ALKBH8: variants seen among roughly 807,000 people sequenced by gnomAD.
ALKBH8 encodes the protein tRNA (carboxymethyluridine(34)-5-O)-methyltransferase ALKBH8.
Under a neutral mutation model 59.8 loss-of-function variants are expected in ALKBH8, and 36 were observed. The observed-to-expected ratio is 0.60, with a 90% CI of 0.46 to 0.79. The LOEUF is 0.79. ALKBH8 is among the 30% of genes least tolerant of loss of function. The pLI, the probability that ALKBH8 is intolerant of heterozygous loss-of-function variation, is 0.00. For missense variants in ALKBH8, 768 were observed against 801.0 expected, an observed-to-expected ratio of 0.96 and a Z score of 0.50; for synonymous variants, 276 against 273.6, an observed-to-expected ratio of 1.01 and a Z score of -0.09.
chr11:107,536,690 A>G (rs1033216102), intron 7 of ALKBH8, among the ~76,000 whole-genome samples: 1 of 152,160 alleles, frequency 6.6e-6, no homozygotes, highest in South Asian at 2.1e-4. Flanking sequence ...CTCAGCGGTA[A>G]GGGGAAGGGT....
At position 107,525,536 on chromosome 11, in the gene ALKBH8, AT is replaced by A; in HGVS notation, c.934del (p.Ile312LeufsTer9). 1 of 1,532,312 alleles carries A rather than the reference AT, an allele frequency of 6.5e-7. No individual in the cohort carries two copies. Among genetic ancestry groups the A allele is most frequent in the Non-Finnish European group, 8.8e-7 (1 of 1,139,476 alleles). The allele number at this position is 1,532,312 out of a possible 1,614,324, so 94.9% of individuals were successfully genotyped here. A position where few individuals can be genotyped will look rare whatever the true frequency, so the allele number is the denominator to read the frequency against. On this transcript the variant is annotated frameshift_variant, in exon 9 of 12. Transcript: ENST00000428149. LOFTEE classifies it high-confidence loss of function. The stretch of plus-strand genomic sequence containing the variant: ...TAAGTCTCCAACATCACTGGTGATA[AT>A]TCCACTTTTAAGACTCTCAGATGCT... ...VQASESLKSG[I>X]ITSDVGDLTL... is the part of the protein sequence containing the mutation.
At chr11:107,552,811 C>T (rs1864550937) in intron 5 of ALKBH8, among the ~76,000 whole-genome samples, 1 of 152,070 alleles carries the variant, frequency 6.6e-6, no homozygotes, top group Non-Finnish European at 1.5e-5. Context: ...AAGCTAAAAA[C>T]CAGAAACAAC....
At chr11:107,544,857 ACACAAAG>A (rs1246484567) in intron 7 of ALKBH8, among the ~76,000 whole-genome samples, 1 of 149,836 alleles carries the variant, frequency 6.7e-6, no homozygotes, top group Non-Finnish European at 1.5e-5. Flanking sequence ...ACACACACAC[ACACAAAG>A]AAGGAGAAAT....
rs144018060 is a variant in ALKBH8 at position 107,553,909 on chromosome 11, G to A, written c.437C>T (p.Ser146Phe). 1,526 of 1,613,684 alleles carry A rather than the reference G, an allele frequency of 9.5e-4. 2 individuals carry two copies. Among genetic ancestry groups the A allele is most frequent in the Non-Finnish European group, 1.1e-3 (1,301 of 1,179,804 alleles). Residue 146 changes from serine to phenylalanine, a missense_variant, in exon 4 of 12, where the codon TCT becomes TTT. Transcript: ENST00000428149. The part of the protein sequence containing the change: ...GLMVVEEIIS[S>F]EEEKMLLESV... ...TTCCAAAAGCATTTTCTCCTCCTCA[G>A]AAGAAATTATTTCTTCTACTACCAT...
At chr11:107,506,274 TTA>T (rs1591237098) in intron 11 of ALKBH8, among the ~76,000 whole-genome samples, 1 of 152,166 alleles carries the variant, frequency 6.6e-6, no homozygotes, top group East Asian at 1.9e-4. Flanking sequence ...TGCTTATACT[TTA>T]TCTGCTTCTC....
In ALKBH8 at chr11:107,553,206, G is replaced by A; in HGVS notation, c.500-3C>T. On this transcript the variant is annotated splice_polypyrimidine_tract_variant and splice_region_variant and intron_variant, in intron 4 of 11. Coordinates refer to ENST00000428149, the MANE Select transcript of ALKBH8 (RefSeq NM_138775.3). ...TCTGTGTTTTAAGGATTTTTGAGCTGTGTGAAGAGAACAAAGTAAACAATT... is the reference window on the plus strand; with the variant it reads ...TCTGTGTTTTAAGGATTTTTGAGCTATGTGAAGAGAACAAAGTAAACAATT... 1.9e-6 allele frequency: 3 copies of A among 1,577,868 alleles called. No individual in the cohort carries two copies. The highest frequency in any genetic ancestry group is 2.6e-6 in the Non-Finnish European group (3 of 1,158,446).
At chr11:107,544,644 T>C (rs1012974406) in intron 7 of ALKBH8, among the ~76,000 whole-genome samples, 1 of 152,128 alleles carries the variant, frequency 6.6e-6, no homozygotes, top group African/African-American at 2.4e-5. Context: ...TCCAGAAGTT[T>C]TGAATGTTAG....
chr11:107,562,811 T>C (rs1374314794), intron 1 of ALKBH8: 1 of 151,510 alleles, frequency 6.6e-6, no homozygotes, highest in Non-Finnish European at 1.5e-5. Context: ...GCTGGCCTGA[T>C]CTAGGCTGGG....
intron 11 of ALKBH8, among the ~76,000 whole-genome samples, chr11:107,508,476 A>G (rs1862487991): frequency 6.6e-6 from 1 of 152,184 alleles, no homozygotes; most frequent in Non-Finnish European, 1.5e-5. Flanking sequence ...GCTGGCCTCA[A>G]TGACTTATTT....
At chr11:107,519,980 T>A (rs527609531) in intron 10 of ALKBH8, among the ~76,000 whole-genome samples, 3 of 152,182 alleles carry the variant, frequency 2.0e-5, no homozygotes, top group Non-Finnish European at 2.9e-5. Flanking sequence ...TATGCAAATG[T>A]TAGTTATTAT....
chr11:107,513,947 C>G (rs1009264158), intron 10 of ALKBH8, among the ~76,000 whole-genome samples: 1 of 152,150 alleles, frequency 6.6e-6, no homozygotes, highest in Admixed American at 6.5e-5. Flanking sequence ...AGGTACTATG[C>G]TGACTACCTG....
chr11:107,565,277 C>A (rs974764511), intron 1 of ALKBH8: 2 of 460,818 alleles, frequency 4.3e-6, no homozygotes, highest in Non-Finnish European at 4.0e-6. Flanking sequence ...CGATTGTCAC[C>A]GGTCAGAAAA....
At chr11:107,530,345 G>A (rs1441728780) in intron 8 of ALKBH8, among the ~76,000 whole-genome samples, 5 of 152,058 alleles carry the variant, frequency 3.3e-5, no homozygotes, top group Admixed American at 3.3e-4. Flanking sequence ...CCTCTACAAT[G>A]CTTTCTAGTG....
intron 8 of ALKBH8, among the ~76,000 whole-genome samples, chr11:107,531,864 G>A (rs1002504695): frequency 2.6e-5 from 4 of 152,208 alleles, no homozygotes; most frequent in East Asian, 3.8e-4. Context: ...AACAGCCTGA[G>A]AGCTGAATGT....
chr11:107,530,481 TA>T (rs144770885), intron 8 of ALKBH8, among the ~76,000 whole-genome samples: 1,532 of 152,194 alleles, frequency 0.01, 29 homozygotes, highest in African/African-American at 0.035. Flanking sequence ...AAGATTCTGA[TA>T]AACATCTCAA....
intron 9 of ALKBH8, among the ~76,000 whole-genome samples, 173 bp from the exon 10 acceptor site, chr11:107,522,728 T>C (rs1448338936): frequency 6.6e-6 from 1 of 152,012 alleles, no homozygotes; most frequent in Non-Finnish European, 1.5e-5. Context: ...ACTGCTTGAG[T>C]CTGGGGGGCC....
intron 6 of ALKBH8, among the ~76,000 whole-genome samples, chr11:107,550,537 C>T (rs935033362): frequency 6.6e-6 from 1 of 152,160 alleles, no homozygotes; most frequent in African/African-American, 2.4e-5. Flanking sequence ...AGAGTGGCCC[C>T]GGCCTCTGTG....
chr11:107,554,819 T>C (rs670393), intron 3 of ALKBH8, among the ~76,000 whole-genome samples: 70,838 of 152,150 alleles, frequency 0.47, 18,000 homozygotes, highest in Non-Finnish European at 0.58. Context: ...AGGAAAACTT[T>C]GCAAAGAATT....
Position 107,523,064 on chromosome 11 carries a change from A to T in ALKBH8, c.1031-509T>A, listed in dbSNP as rs566324676. On this transcript the variant is annotated intron_variant, in intron 9 of 11. Transcript: ENST00000428149. Reference sequence around the variant, plus strand: ...TCTGCCTTGCTCAAAAAAAAAAAAAAAATTAAAAATAAGTACTATCTTATA... The same window carrying T: ...TCTGCCTTGCTCAAAAAAAAAAAAATAATTAAAAATAAGTACTATCTTATA... Among the ~76,000 whole-genome samples the T allele has an allele frequency of 2.0e-5, 3 of 152,050 alleles. No homozygotes were observed. In the East Asian group the frequency reaches 5.8e-4, roughly 29 times the overall value.
Sources: gnomAD v4.1 joint callset for allele counts (sites outside exome capture counted in the v4.1 genomes callset) on GRCh38, gnomAD v4.1.1 for gene constraint, MANE v1.5 for transcripts, NCBI Gene and HGNC (gene_info 2026-07-23, HGNC 2026-07-21) for gene names.